The following GATA3 variants were observed in gnomAD, a reference collection of about 807,000 sequenced individuals.
The protein encoded by GATA3 is GATA binding protein 3, also known as trans-acting T-cell-specific transcription factor GATA-3.
Under a neutral mutation model 36.0 loss-of-function variants are expected in GATA3, and 6 were observed. That is an observed-to-expected ratio of 0.17 (90% CI 0.09 to 0.33). The LOEUF (loss-of-function observed/expected upper bound fraction) is 0.33. GATA3 is among the 10% of genes least tolerant of loss of function. GATA3 has a pLI of 1.00. For missense variants in GATA3, 514 were observed against 610.1 expected, an observed-to-expected ratio of 0.84 and a Z score of 1.66; for synonymous variants, 326 against 273.0, an observed-to-expected ratio of 1.19 and a Z score of -1.92.
intron 5 of GATA3, among the ~76,000 whole-genome samples, chr10:8,071,017 C>T (rs1486279849): frequency 6.6e-6 from 1 of 152,120 alleles, no homozygotes; most frequent in Non-Finnish European, 1.5e-5. Context: ...AGGTTATTAG[C>T]ATTAGGGTTT....
chr10:8,062,754 C>G (rs1832770916), intron 3 of GATA3, among the ~76,000 whole-genome samples: 1 of 152,190 alleles, frequency 6.6e-6, no homozygotes, highest in Non-Finnish European at 1.5e-5. Flanking sequence ...TCCTCTGGGC[C>G]TCCCCTCTCT....
chr10:8,068,384 T>C (rs942728398), intron 4 of GATA3, among the ~76,000 whole-genome samples: 10 of 152,220 alleles, frequency 6.6e-5, no homozygotes, highest in Non-Finnish European at 1.3e-4. Flanking sequence ...TGAGTTTGTT[T>C]GATTGGTGAA....
At chr10:8,070,352 C>T (rs1243964) in intron 5 of GATA3, among the ~76,000 whole-genome samples, 150,625 of 152,044 alleles carry the variant, frequency 0.99, 74,626 homozygotes, top group Middle Eastern at 1. Flanking sequence ...CATTTTGTAA[C>T]ATATCTTAAT....
At chr10:8,056,545 G>T (rs765211390) in intron 2 of GATA3, among the ~76,000 whole-genome samples, 17 of 152,122 alleles carry the variant, frequency 1.1e-4, no homozygotes, top group Non-Finnish European at 2.2e-4. Context: ...AGGGGTTTGG[G>T]GGGGAAGACC....
intron 3 of GATA3, among the ~76,000 whole-genome samples, chr10:8,062,846 G>A (rs11567917): frequency 0.019 from 2,868 of 152,234 alleles, 100 homozygotes; most frequent in African/African-American, 0.065. Flanking sequence ...AGAACTGGGC[G>A]CTAGAGACCC....
chr10:8,064,054 G>C lies in GATA3; in HGVS notation c.840G>C (p.Thr280=), dbSNP rs144796042. The change falls in exon 4 of 6, where the codon ACG becomes ACC. Residue 280 remains threonine, a synonymous_variant. Transcript: ENST00000379328. ...CCCCACTGTGGCGGCGAGATGGCAC[G>C]GGACACTACCTGTGCAACGCCTGCG... is the stretch of plus-strand genomic sequence containing the variant. The part of the protein sequence containing the change: ...TSTPLWRRDG[T]GHYLCNACGL... 2.6e-4 allele frequency: 415 copies of C among 1,614,048 alleles called. No homozygotes were observed. Among genetic ancestry groups the C allele is most frequent in the Non-Finnish European group, 3.3e-4 (392 of 1,180,048 alleles).
At chr10:8,058,863 G>A (rs745498959) in intron 3 of GATA3, 22 bp downstream of exon 3, 12 of 1,598,468 alleles carry the variant, frequency 7.5e-6, no homozygotes, top group East Asian at 2.2e-5. Context: ...CTCTTCCCTG[G>A]AGCCTTTTCT....
At chr10:8,049,399 A>G (rs1262138666), upstream of GATA3, among the ~76,000 whole-genome samples, 1 of 152,210 alleles carries the variant, frequency 6.6e-6, no homozygotes, top group African/African-American at 2.4e-5. Flanking sequence ...CTCAACCAGT[A>G]TTGCCCACTG....
upstream of GATA3, chr10:8,050,682 G>T (rs961547919): frequency 8.7e-6 from 2 of 228,670 alleles, no homozygotes; most frequent in Non-Finnish European, 1.8e-5. Flanking sequence ...GCTCCGGGGG[G>T]AGGGACTCGG....
rs1186361519 is a variant in GATA3, at chr10:8,055,183, C to T, written c.-369-104C>T. 4 of 242,306 alleles carry T rather than the reference C, an allele frequency of 1.7e-5. No homozygotes were observed. The highest frequency in any genetic ancestry group is 3.2e-5 in the Non-Finnish European group (4 of 125,284). The allele number at this position is 242,306 out of a possible 1,614,324, so 15.0% of individuals were successfully genotyped here. On this transcript the variant is annotated intron_variant, in intron 1 of 5. Transcript: ENST00000379328. This position sits in a 1 kb window ranked among gnomAD's most constrained non-coding sequence, Gnocchi z 5.4. ...CTCCGCGGCCGTGTCCCCGCGCTCCCGTGCGGGTCTCGGGTGCGCTGGGCG... is the reference window on the plus strand; with the variant it reads ...CTCCGCGGCCGTGTCCCCGCGCTCCTGTGCGGGTCTCGGGTGCGCTGGGCG...
chr10:8,065,504 G>T (rs1832822000), intron 4 of GATA3, among the ~76,000 whole-genome samples: 1 of 151,668 alleles, frequency 6.6e-6, no homozygotes, highest in South Asian at 2.1e-4. Context: ...GTGATCCACC[G>T]CCTCGGCCTC....
intron 4 of GATA3, among the ~76,000 whole-genome samples, chr10:8,066,473 T>C (rs949510347): frequency 1.3e-5 from 2 of 151,424 alleles, no homozygotes; most frequent in Admixed American, 1.3e-4. Flanking sequence ...AGCCCTGAGA[T>C]GTATTTGACT....
chr10:8,072,782 G>A (rs1314395994), intron 5 of GATA3, among the ~76,000 whole-genome samples: 1 of 152,182 alleles, frequency 6.6e-6, no homozygotes, highest in East Asian at 1.9e-4. Context: ...CTGGTTAGAA[G>A]TGGAGAGTCA....
At position 8,055,780 on chromosome 10, in the gene GATA3, C is replaced by A; in HGVS notation, c.125C>A (p.Pro42Gln). ...TCCTACATGGACGCGGCGCAGTACC[C>A]GCTGCCGGAGGAGGTGGATGTGCTT... ...SHSYMDAAQY[P>Q]LPEEVDVLFN... The change falls in exon 2 of 6, where the codon CCG becomes CAG. Residue 42 changes from proline (P) to glutamine (Q), a missense_variant. This residue lies in a region of GATA3 where 381 missense variants were observed against 354.3 expected (regional missense o/e 1.08). Coordinates refer to ENST00000379328, the MANE Select transcript of GATA3 (RefSeq NM_001002295.2). The surrounding 1 kb of genome is among the most constrained non-coding windows in gnomAD (Gnocchi z 5.4). 6.3e-7 allele frequency: 1 copy of A among 1,592,430 alleles called. No homozygotes were observed. Among genetic ancestry groups the A allele is most frequent in the African/African-American group, 1.3e-5 (1 of 74,646 alleles).
chr10:8,046,936 C>T (rs59853065), intron 1 of GATA3, among the ~76,000 whole-genome samples: 66 of 152,250 alleles, frequency 4.3e-4, no homozygotes, highest in African/African-American at 1.5e-3. Context: ...TTAGAAAATG[C>T]GGAGCGGCTG....
chr10:8,071,759 C>T (rs747429903), intron 5 of GATA3, among the ~76,000 whole-genome samples: 9 of 152,154 alleles, frequency 5.9e-5, no homozygotes, highest in Non-Finnish European at 1.2e-4. Flanking sequence ...TTGCGTTTTG[C>T]TCTGCCCTTC....
intron 1 of GATA3, among the ~76,000 whole-genome samples, chr10:8,048,059 C>A (rs1442037533): frequency 6.6e-6 from 1 of 152,200 alleles, no homozygotes; most frequent in Non-Finnish European, 1.5e-5. Flanking sequence ...ACATCCCCTG[C>A]CAGAGTGTCC....
rs1178153797 is a variant in GATA3, at chr10:8,058,601, G to A, written c.538G>A (p.Glu180Lys). 9.9e-6 allele frequency: 16 copies of A among 1,611,942 alleles called. No homozygotes were observed. Among genetic ancestry groups the A allele is most frequent in the Non-Finnish European group, 1.3e-5 (15 of 1,179,914 alleles). Reference sequence around the variant, plus strand: ...CTCGGCCGGCTCGGCCCGGCAGGACGAGAAAGAGTGCCTCAAGTACCAGGT... The same window carrying A: ...CTCGGCCGGCTCGGCCCGGCAGGACAAGAAAGAGTGCCTCAAGTACCAGGT... ...PGSAGSARQD[E>K]KECLKYQVPL... The change falls in exon 3 of 6, where the codon GAG (glutamate) becomes AAG (lysine). Residue 180 changes from glutamate to lysine, a missense_variant. Physicochemically the swap from Glu to Lys is moderately conservative, Grantham distance 56. This residue lies in a region of GATA3 where 381 missense variants were observed against 354.3 expected (regional missense o/e 1.08). Coordinates refer to ENST00000379328, the MANE Select transcript of GATA3 (RefSeq NM_001002295.2).
upstream of GATA3, chr10:8,050,927 C>A: frequency 2.1e-6 from 1 of 467,928 alleles, no homozygotes; most frequent in Admixed American, 2.4e-5. Flanking sequence ...CGCGGGCGCC[C>A]GGGGCCGCTT....
Sources: gnomAD v4.1 joint callset for allele counts (sites outside exome capture counted in the v4.1 genomes callset) on GRCh38, gnomAD v4.1.1 for gene constraint, gnomAD v4.1.1 regional missense constraint, Gnocchi (gnomAD v3.1) non-coding constraint, MANE v1.5 for transcripts, NCBI Gene and HGNC (gene_info 2026-07-23, HGNC 2026-07-21) for gene names.